CREB5: variants seen among roughly 807,000 people sequenced by gnomAD.
CREB5 encodes the protein cAMP responsive element binding protein 5.
A neutral mutation model predicts 57.1 loss-of-function variants in CREB5; 19 were observed. The observed-to-expected ratio is 0.33, with a 90% CI of 0.23 to 0.49. CREB5 has a LOEUF of 0.49. Ranked by LOEUF, CREB5 falls within the 20% of genes least tolerant of loss-of-function variation. The pLI, the probability that CREB5 is intolerant of heterozygous loss-of-function variation, is 0.99. For synonymous variants in CREB5, 238 were observed against 238.3 expected (o/e 1.00, Z 0.01); for missense variants, 579 against 671.6 (o/e 0.86, Z 1.52).
At chr7:28,435,738 C>A (rs1788934360) in intron 1 of CREB5, 1 of 868,484 alleles carries the variant, frequency 1.2e-6, no homozygotes, top group Non-Finnish European at 1.4e-6. Flanking sequence ...ACCAAACACT[C>A]AGATGTAAAT....
chr7:28,355,924 G>A (rs1464640534), intron 1 of CREB5, among the ~76,000 whole-genome samples: 3 of 152,152 alleles, frequency 2.0e-5, no homozygotes, highest in East Asian at 3.8e-4. Flanking sequence ...CTGAAGAAAC[G>A]AGTGACTCAA....
chr7:28,729,757 G>C (rs1345867113), intron 7 of CREB5, among the ~76,000 whole-genome samples: 1 of 152,186 alleles, frequency 6.6e-6, no homozygotes, highest in Non-Finnish European at 1.5e-5. Context: ...CTGCTTCTCA[G>C]AAGCTTTGTG....
intron 7 of CREB5, among the ~76,000 whole-genome samples, chr7:28,788,830 TA>T (rs11403343): frequency 3.4e-3 from 463 of 136,794 alleles, no homozygotes; most frequent in Admixed American, 3.7e-3. Context: ...TCTTCTGGTT[TA>T]AAAAAAAAAA....
intron 5 of CREB5, among the ~76,000 whole-genome samples, chr7:28,672,813 A>G (rs1158822080): frequency 6.6e-6 from 1 of 152,202 alleles, no homozygotes; most frequent in African/African-American, 2.4e-5. Flanking sequence ...CAGTTTTTTC[A>G]CCTGCAGAAT....
At chr7:28,380,546 A>G (rs1468787305) in intron 1 of CREB5, among the ~76,000 whole-genome samples, 1 of 152,220 alleles carries the variant, frequency 6.6e-6, no homozygotes, top group East Asian at 1.9e-4. Context: ...TGAGAAAAAG[A>G]AGGTAAACAT....
chr7:28,422,280 G>A (rs1158057229), intron 1 of CREB5, among the ~76,000 whole-genome samples: 1 of 152,108 alleles, frequency 6.6e-6, no homozygotes, highest in East Asian at 1.9e-4. Flanking sequence ...GGAGTGTGCT[G>A]TGTTTGCTCT....
intron 1 of CREB5, among the ~76,000 whole-genome samples, chr7:28,443,937 G>A (rs1789311142): frequency 6.6e-6 from 1 of 152,196 alleles, no homozygotes; most frequent in Admixed American, 6.5e-5. Context: ...ATACAAGTCA[G>A]AATGGTGTTT....
chr7:28,591,968 G>T (rs915835204), intron 5 of CREB5, among the ~76,000 whole-genome samples: 1 of 152,140 alleles, frequency 6.6e-6, no homozygotes, highest in Non-Finnish European at 1.5e-5. Flanking sequence ...TCATAAATTG[G>T]ATGAAGCTGT....
intron 5 of CREB5, among the ~76,000 whole-genome samples, chr7:28,682,683 G>C (rs79442493): frequency 8.6e-5 from 9 of 104,550 alleles, no homozygotes; most frequent in South Asian, 2.7e-4. Context: ...ACCTAAAAGT[G>C]GGGGGGGGGG....
At chr7:28,333,474 C>A (rs1785753947) in intron 1 of CREB5, among the ~76,000 whole-genome samples, 1 of 152,132 alleles carries the variant, frequency 6.6e-6, no homozygotes, top group African/African-American at 2.4e-5. Flanking sequence ...GCTGTGCTGT[C>A]AAATACTAGA....
At chr7:28,732,944 G>C (rs140284856) in intron 7 of CREB5, among the ~76,000 whole-genome samples, 4 of 149,212 alleles carry the variant, frequency 2.7e-5, no homozygotes, top group African/African-American at 9.8e-5. Context: ...TCTTTTTATC[G>C]CTTGTTTGAG....
intron 5 of CREB5, among the ~76,000 whole-genome samples, chr7:28,612,231 A>G (rs1797419852): frequency 6.6e-6 from 1 of 152,054 alleles, no homozygotes; most frequent in South Asian, 2.1e-4. Context: ...TCAGAATCAC[A>G]AATATGTTCT....
intron 1 of CREB5, among the ~76,000 whole-genome samples, chr7:28,432,428 G>A (rs755432423): frequency 6.6e-6 from 1 of 152,192 alleles, no homozygotes; most frequent in Non-Finnish European, 1.5e-5. Flanking sequence ...TTGCAAGCCG[G>A]CAGGCACACA....
chr7:28,471,974 C>A (rs1374925586), intron 1 of CREB5, among the ~76,000 whole-genome samples: 1 of 151,804 alleles, frequency 6.6e-6, no homozygotes, highest in African/African-American at 2.4e-5. Context: ...TTTTGACCAA[C>A]CTTCAATGGA....
At chr7:28,720,360 A>G (rs1212410861) in intron 6 of CREB5, among the ~76,000 whole-genome samples, 1 of 152,318 alleles carries the variant, frequency 6.6e-6, no homozygotes, top group African/African-American at 2.4e-5. Flanking sequence ...TCCTGTGGGG[A>G]TACAGTAGCA....
intron 5 of CREB5, among the ~76,000 whole-genome samples, chr7:28,671,771 G>A (rs1800050066): frequency 6.6e-6 from 1 of 152,090 alleles, no homozygotes; most frequent in Non-Finnish European, 1.5e-5. Context: ...TGTGACCTTG[G>A]GCAAGTTACT....
chr7:28,334,064 T>C (rs1180059761), intron 1 of CREB5, among the ~76,000 whole-genome samples: 1 of 152,222 alleles, frequency 6.6e-6, no homozygotes, highest in Non-Finnish European at 1.5e-5. Flanking sequence ...TTGCCTGGCT[T>C]TTTGATATAA....
chr7:28,668,651 A>T (rs968602535), intron 5 of CREB5, among the ~76,000 whole-genome samples: 5 of 152,226 alleles, frequency 3.3e-5, no homozygotes, highest in African/African-American at 1.2e-4. Context: ...GTTTTCTTCT[A>T]AACAGATTTG....
intron 1 of CREB5, among the ~76,000 whole-genome samples, chr7:28,481,366 A>C (rs1791325261): frequency 1.3e-5 from 2 of 152,222 alleles, no homozygotes; most frequent in Non-Finnish European, 2.9e-5. Context: ...TGGTTTGAAC[A>C]GAATAGTAAT....
Sources: gnomAD v4.1 joint callset for allele counts (sites outside exome capture counted in the v4.1 genomes callset) on GRCh38, gnomAD v4.1.1 for gene constraint, MANE v1.5 for transcripts, NCBI Gene and HGNC (gene_info 2026-07-23, HGNC 2026-07-21) for gene names.